Variants in PTPRM observed in about 807,000 individuals in gnomAD.
PTPRM encodes the protein protein tyrosine phosphatase receptor type M.
A neutral mutation model predicts 186.7 loss-of-function variants in PTPRM; 47 were observed. The observed-to-expected ratio is 0.25, with a 90% CI of 0.20 to 0.32. PTPRM has a LOEUF of 0.32. PTPRM is among the 10% of genes least tolerant of loss of function. The pLI, the probability that PTPRM is intolerant of heterozygous loss-of-function variation, is 1.00. For missense variants in PTPRM, 1,494 were observed against 1,865.0 expected (o/e 0.80, Z 3.66); for synonymous variants, 668 against 674.9 (o/e 0.99, Z 0.16).
chr18:7,714,648 A>G (rs1462064701), intron 1 of PTPRM, among the ~76,000 whole-genome samples: 1 of 152,212 alleles, frequency 6.6e-6, no homozygotes, highest in African/African-American at 2.4e-5. Flanking sequence ...GAAAAGAGAG[A>G]AGAATCAAAA....
chr18:8,262,549 C>T (rs1383990647), intron 19 of PTPRM, among the ~76,000 whole-genome samples: 1 of 152,200 alleles, frequency 6.6e-6, no homozygotes, highest in Non-Finnish European at 1.5e-5. Flanking sequence ...TGGCCTCTGC[C>T]TGGCCGTGAC....
chr18:7,774,392 G>T, intron 2 of PTPRM, 121 bp downstream of exon 2: 1 of 1,261,092 alleles, frequency 7.9e-7, no homozygotes, highest in Non-Finnish European at 1.1e-6. Flanking sequence ...GGCAGTCAAA[G>T]TTGGATTAGC....
At position 7,809,483 on chromosome 18, in the gene PTPRM, C is replaced by T. The variant is rs554380068; in HGVS notation, c.196+35212C>T. On this transcript the variant is annotated intron_variant, in intron 2 of 32. Coordinates refer to ENST00000580170, the MANE Select transcript of PTPRM (RefSeq NM_001105244.2). Reference sequence around the variant, plus strand: ...GACCACCGCACTCACACCCCTTCTTCTCCAGCCCAGGTGCACTGTCATGTG... The same window carrying T: ...GACCACCGCACTCACACCCCTTCTTTTCCAGCCCAGGTGCACTGTCATGTG... Among the ~76,000 whole-genome samples, 7 of 152,216 alleles carry T rather than the reference C, an allele frequency of 4.6e-5. No individual in the cohort carries two copies. In the South Asian group the frequency reaches 1.5e-3, roughly 32 times the overall value.
intron 7 of PTPRM, among the ~76,000 whole-genome samples, chr18:8,044,249 A>G (rs917323218): frequency 2.0e-5 from 3 of 152,226 alleles, no homozygotes; most frequent in Non-Finnish European, 4.4e-5. Context: ...TCACCCTATG[A>G]GAAAAATGAT....
rs534111974 is a variant in PTPRM, at chr18:8,364,510, T to G, written c.3055-6380T>G. Among the ~76,000 whole-genome samples, 15 of 152,286 alleles carry G rather than the reference T, an allele frequency of 9.8e-5. No homozygotes were observed. The South Asian group carries it at 3.1e-3, about 32-fold the overall frequency. On this transcript the variant is annotated intron_variant, in intron 23 of 32. Coordinates refer to ENST00000580170, the MANE Select transcript of PTPRM (RefSeq NM_001105244.2). Reference sequence around the variant, plus strand: ...CTGTGAGACCTCTAAACCAAAAGGTTTGGGGATACAATAAATCTGTTATCT... The same window carrying G: ...CTGTGAGACCTCTAAACCAAAAGGTGTGGGGATACAATAAATCTGTTATCT...
rs546160667 is a variant in PTPRM at position 7,884,251 on chromosome 18, G to T, written c.197-3855G>T. Among the ~76,000 whole-genome samples the T allele has an allele frequency of 2.6e-5, 4 of 152,278 alleles. No individual in the cohort carries two copies. In the South Asian group the frequency reaches 8.3e-4, roughly 32 times the overall value. ...AGCATTTGCTGGGCTTGTGTTTTGTGGCAGGCTTTGTCCCGCTTGCCTTGT... is the reference window on the plus strand; with the variant it reads ...AGCATTTGCTGGGCTTGTGTTTTGTTGCAGGCTTTGTCCCGCTTGCCTTGT... On this transcript the variant is annotated intron_variant, in intron 2 of 32. Transcript: ENST00000580170.
chr18:7,913,744 A>G (rs2050403121), intron 4 of PTPRM, among the ~76,000 whole-genome samples: 1 of 152,260 alleles, frequency 6.6e-6, no homozygotes, highest in African/African-American at 2.4e-5. Flanking sequence ...GGGATATATG[A>G]TGCCTTCAAT....
intron 2 of PTPRM, among the ~76,000 whole-genome samples, chr18:7,808,109 T>G (rs980395173): frequency 5.9e-5 from 9 of 152,334 alleles, no homozygotes; most frequent in Admixed American, 1.3e-4. Flanking sequence ...AGGGATTGTA[T>G]TATAGGCAGT....
chr18:7,967,921 G>T (rs930592584), intron 7 of PTPRM, among the ~76,000 whole-genome samples: 4 of 98,294 alleles, frequency 4.1e-5, no homozygotes, highest in South Asian at 3.9e-4. Context: ...ATCTAGCAAG[G>T]CAGGCCAACG....
At chr18:8,272,208 T>TGAAA (rs1478596683) in intron 19 of PTPRM, among the ~76,000 whole-genome samples, 7 of 76,142 alleles carry the variant, frequency 9.2e-5, no homozygotes, top group Non-Finnish European at 1.5e-4. Context: ...TCTGCCTCAA[T>TGAAA]AAAAAAAAAA....
At chr18:8,202,976 G>A (rs2093879037) in intron 14 of PTPRM, among the ~76,000 whole-genome samples, 1 of 152,186 alleles carries the variant, frequency 6.6e-6, no homozygotes, top group Non-Finnish European at 1.5e-5. Context: ...ATAGGGCTAT[G>A]ATTGCTTTCC....
At chr18:8,368,115 C>G (rs1029022241) in intron 23 of PTPRM, among the ~76,000 whole-genome samples, 3 of 151,322 alleles carry the variant, frequency 2.0e-5, no homozygotes, top group African/African-American at 7.3e-5. Context: ...AGTTTTATAT[C>G]TATCCCACTA....
chr18:8,255,072 T>C (rs892557589), intron 19 of PTPRM, among the ~76,000 whole-genome samples: 1 of 152,248 alleles, frequency 6.6e-6, no homozygotes, highest in African/African-American at 2.4e-5. Flanking sequence ...TTGACTGCCT[T>C]TGCATATTTC....
chr18:7,693,124 C>T (rs1305854798), intron 1 of PTPRM, among the ~76,000 whole-genome samples: 2 of 152,094 alleles, frequency 1.3e-5, no homozygotes, highest in African/African-American at 4.8e-5. Flanking sequence ...GCTAGCAGGC[C>T]GAGTTGGACT....
At chr18:7,611,070 A>G (rs901917476) in intron 1 of PTPRM, among the ~76,000 whole-genome samples, 2 of 152,226 alleles carry the variant, frequency 1.3e-5, no homozygotes, top group African/African-American at 4.8e-5. Flanking sequence ...TTAACAAACA[A>G]AAAAAGAAAA....
Position 7,567,923 on chromosome 18 carries a change from C to A in PTPRM, c.73+32C>A. 6.5e-7 allele frequency: 1 copy of A among 1,531,510 alleles called. No homozygotes were observed. Among genetic ancestry groups the A allele is most frequent in the Non-Finnish European group, 8.7e-7 (1 of 1,148,956 alleles). 94.9% of individuals were successfully genotyped at this position (1,531,510 alleles called of 1,614,324 possible). On this transcript the variant is annotated intron_variant, in intron 1 of 32. Coordinates refer to ENST00000580170, the MANE Select transcript of PTPRM (RefSeq NM_001105244.2). The surrounding 1 kb of genome is among the most constrained non-coding windows in gnomAD (Gnocchi z 4.3). ...GGGACCGCCTCTGCCGCCCCCGAGG[C>A]GCGCGGGCCGGCGCGGGACGCCCGG... is the stretch of plus-strand genomic sequence containing the variant.
chr18:7,696,042 T>C (rs566052138), intron 1 of PTPRM, among the ~76,000 whole-genome samples: 14 of 152,374 alleles, frequency 9.2e-5, no homozygotes, highest in South Asian at 2.1e-4. Context: ...ATGGTTAATG[T>C]CAGCATTTTA....
chr18:7,693,333 AT>A (rs2039776008), intron 1 of PTPRM, among the ~76,000 whole-genome samples: 1 of 152,196 alleles, frequency 6.6e-6, no homozygotes, highest in Admixed American at 6.5e-5. Flanking sequence ...CATAGGGCTC[AT>A]TTGATGTAAC....
chr18:7,807,485 CCA>C (rs1232676243), intron 2 of PTPRM, among the ~76,000 whole-genome samples: 1 of 152,190 alleles, frequency 6.6e-6, no homozygotes, highest in Non-Finnish European at 1.5e-5. Context: ...TATCCAACCC[CCA>C]CCACCTCCCG....
Sources: allele counts gnomAD v4.1 joint callset (sites outside exome capture counted in the v4.1 genomes callset), GRCh38; gene constraint gnomAD v4.1.1; non-coding constraint Gnocchi (gnomAD v3.1); transcripts MANE v1.5; gene names NCBI Gene and HGNC (gene_info 2026-07-23, HGNC 2026-07-21).